Variants in ZNF536 observed in about 807,000 individuals in gnomAD.
ZNF536 encodes the protein zinc finger protein 536.
A neutral mutation model predicts 84.5 loss-of-function variants in ZNF536; 13 were observed. The observed-to-expected ratio is 0.15, with a 90% confidence interval of 0.10 to 0.24. ZNF536 has a LOEUF of 0.24. Among genes scored for constraint, ZNF536 ranks in the 10% least tolerant of loss-of-function variants. ZNF536 has a pLI of 1.00. For synonymous variants in ZNF536, 811 were observed against 742.5 expected (o/e 1.09, Z -1.50); for missense variants, 1,536 against 1,747.5 (o/e 0.88, Z 2.16).
intron 1 of ZNF536, among the ~76,000 whole-genome samples, chr19:30,281,296 G>A (rs559055542): frequency 1.3e-5 from 2 of 152,278 alleles, no homozygotes; most frequent in African/African-American, 2.4e-5. Flanking sequence ...TGGCCATTCA[G>A]CCTTCCCTTC....
At chr19:30,231,446 C>A (rs775688309) in intron 1 of ZNF536, among the ~76,000 whole-genome samples, 1 of 152,222 alleles carries the variant, frequency 6.6e-6, no homozygotes, top group Admixed American at 6.5e-5. Flanking sequence ...TGAACTCACA[C>A]CTGCTGTGCA....
Position 30,706,550 on chromosome 19 carries a change from A to T in ZNF536, c.170-4207A>T, listed in dbSNP as rs988904851. 1.6e-4 allele frequency among the ~76,000 whole-genome samples: 25 copies of T among 152,272 alleles called. No individual in the cohort carries two copies. The South Asian group carries it at 5.0e-3, about 30-fold the overall frequency. On this transcript the variant is annotated intron_variant, in intron 1 of 1. Transcript: ENST00000592773. Reference sequence around the variant, plus strand: ...TGCTGATGAACAAAAACAACTGAAGAATGGAAGAACTAGTGTCATCCTGGT... The same window carrying T: ...TGCTGATGAACAAAAACAACTGAAGTATGGAAGAACTAGTGTCATCCTGGT...
At chr19:30,501,471 C>T (rs1227889559) in intron 2 of ZNF536, among the ~76,000 whole-genome samples, 2 of 152,176 alleles carry the variant, frequency 1.3e-5, no homozygotes, top group Non-Finnish European at 2.9e-5. Flanking sequence ...GGTTTCCTAG[C>T]TTTTCTGGCA....
chr19:30,528,786 T>G (rs924683230), intron 2 of ZNF536, among the ~76,000 whole-genome samples: 1 of 152,108 alleles, frequency 6.6e-6, no homozygotes, highest in African/African-American at 2.4e-5. Context: ...GCAAGAGAAG[T>G]TGGGATACGT....
intron 2 of ZNF536, among the ~76,000 whole-genome samples, chr19:30,513,390 C>T (rs1478973348): frequency 6.6e-6 from 1 of 152,176 alleles, no homozygotes; most frequent in Non-Finnish European, 1.5e-5. Flanking sequence ...TGCAGGACAG[C>T]AGGCACCTTT....
intron 2 of ZNF536, among the ~76,000 whole-genome samples, chr19:30,522,333 A>G (rs891369833): frequency 5.6e-5 from 8 of 141,956 alleles, no homozygotes; most frequent in Non-Finnish European, 1.2e-4. Context: ...AGTATTTATT[A>G]CTACAAGATA....
chr19:30,674,127 A>G (rs1191248128), intron 1 of ZNF536, among the ~76,000 whole-genome samples: 1 of 152,206 alleles, frequency 6.6e-6, no homozygotes, highest in Non-Finnish European at 1.5e-5. Flanking sequence ...TGTGTTTCAG[A>G]GCTGAGGCAC....
intron 2 of ZNF536, among the ~76,000 whole-genome samples, chr19:30,474,064 C>A (rs1011290199): frequency 6.6e-6 from 1 of 152,168 alleles, no homozygotes; most frequent in Non-Finnish European, 1.5e-5. Context: ...GGAAGTGAGA[C>A]TTTTGTGATG....
downstream of ZNF536, among the ~76,000 whole-genome samples, chr19:30,561,669 G>A (rs185296090): frequency 2.6e-5 from 4 of 152,320 alleles, no homozygotes; most frequent in East Asian, 7.7e-4. Flanking sequence ...AAGGTACTAC[G>A]TGGAGCTCCT....
At chr19:30,609,688 T>C (rs1170171587) in intron 1 of ZNF536, among the ~76,000 whole-genome samples, 1 of 152,156 alleles carries the variant, frequency 6.6e-6, no homozygotes, top group African/African-American at 2.4e-5. Flanking sequence ...AACTCCGTGC[T>C]TCAAGACATT....
chr19:30,262,910 A>G (rs1015945737), intron 1 of ZNF536, among the ~76,000 whole-genome samples: 4 of 152,318 alleles, frequency 2.6e-5, no homozygotes, highest in East Asian at 3.9e-4. Context: ...TGCAACATGA[A>G]TGGAGAGCCA....
At chr19:30,310,604 A>G (rs1476357762) in intron 2 of ZNF536, among the ~76,000 whole-genome samples, 1 of 152,202 alleles carries the variant, frequency 6.6e-6, no homozygotes, top group African/African-American at 2.4e-5. Context: ...GTGGGGAGAA[A>G]GGAGAAGACG....
intron 1 of ZNF536, among the ~76,000 whole-genome samples, chr19:30,574,161 T>C (rs1184395351): frequency 6.6e-6 from 1 of 152,250 alleles, no homozygotes; most frequent in Non-Finnish European, 1.5e-5. Context: ...AATTAGGAAC[T>C]ATAGCAGCCT....
At chr19:30,632,533 G>A (rs2048922084) in intron 1 of ZNF536, among the ~76,000 whole-genome samples, 1 of 152,188 alleles carries the variant, frequency 6.6e-6, no homozygotes, top group Non-Finnish European at 1.5e-5. Flanking sequence ...TTGAACCTGG[G>A]AGGTGGAGGT....
intron 1 of ZNF536, among the ~76,000 whole-genome samples, chr19:30,662,558 T>A (rs1280239527): frequency 4.0e-5 from 6 of 151,718 alleles, no homozygotes; most frequent in Non-Finnish European, 8.8e-5. Flanking sequence ...AGTTTTTTGT[T>A]TTTTGATTTT....
At chr19:30,579,864 A>G (rs896927193) in intron 1 of ZNF536, among the ~76,000 whole-genome samples, 12 of 152,150 alleles carry the variant, frequency 7.9e-5, no homozygotes, top group Non-Finnish European at 1.6e-4. Context: ...GGTCTTTCCT[A>G]CAACCACCTG....
At chr19:30,517,082 G>T (rs549652141) in intron 2 of ZNF536, among the ~76,000 whole-genome samples, 2 of 152,096 alleles carry the variant, frequency 1.3e-5, no homozygotes, top group Admixed American at 6.6e-5. Flanking sequence ...TCCTCCTGGG[G>T]CCTTTTTGAA....
chr19:30,404,414 T>C (rs1190725988), intron 1 of ZNF536, among the ~76,000 whole-genome samples: 2 of 152,172 alleles, frequency 1.3e-5, no homozygotes, highest in Admixed American at 6.5e-5. Flanking sequence ...GTGAGGCGCA[T>C]GGCATGTGGA....
intron 1 of ZNF536, among the ~76,000 whole-genome samples, chr19:30,628,742 A>G (rs553487235): frequency 2.6e-5 from 4 of 152,114 alleles, no homozygotes; most frequent in African/African-American, 9.6e-5. Context: ...TTTGGAGCCC[A>G]GGCTGGAGTG....
Sources: allele counts gnomAD v4.1 joint callset (sites outside exome capture counted in the v4.1 genomes callset), GRCh38; gene constraint gnomAD v4.1.1; transcripts MANE v1.5; gene names NCBI Gene and HGNC (gene_info 2026-07-23, HGNC 2026-07-21).